Variants in BUD13 observed in about 807,000 individuals in gnomAD.
BUD13 encodes BUD13 spliceosome associated protein.
BUD13 carries 47 observed loss-of-function variants against 62.5 expected under a neutral mutation model. The ratio of observed to expected loss-of-function variants is 0.75; its 90% CI spans 0.60 to 0.96. The LOEUF (loss-of-function observed/expected upper bound fraction) is 0.96, where lower values mean the gene tolerates loss of function less well. BUD13 is among the 40% of genes least tolerant of loss of function. The probability of loss-of-function intolerance (pLI) is 0.00; values close to 1 mark genes in which losing one functional copy is unlikely to be tolerated. For missense variants in BUD13, 821 were observed against 790.9 expected, an observed-to-expected ratio of 1.04 and a Z score of -0.46; for synonymous variants, 293 against 280.1, an observed-to-expected ratio of 1.05 and a Z score of -0.46.
intron 9 of BUD13, among the ~76,000 whole-genome samples, chr11:116,752,897 C>T (rs1234088386): frequency 1.3e-5 from 2 of 152,146 alleles, no homozygotes; most frequent in Non-Finnish European, 2.9e-5. Context: ...TCCCAAATAG[C>T]TGGTACTACA....
chr11:116,756,884 A>T (rs1940334968), intron 9 of BUD13, among the ~76,000 whole-genome samples: 1 of 152,184 alleles, frequency 6.6e-6, no homozygotes, highest in South Asian at 2.1e-4. Flanking sequence ...AAAAGTAACC[A>T]ATGTCCAAAA....
At chr11:116,757,049 T>G (rs1204565546) in intron 9 of BUD13, 97 bp downstream of exon 9, 24 of 1,177,794 alleles carry the variant, frequency 2.0e-5, no homozygotes, top group Middle Eastern at 2.0e-4. Context: ...TTTCACCTTG[T>G]GATTAAAGCA....
Position 116,763,020 on chromosome 11 carries a change from G to A in BUD13, c.569C>T (p.Pro190Leu), listed in dbSNP as rs570246157. 1 of 1,613,614 alleles carries A rather than the reference G, an allele frequency of 6.2e-7. No homozygotes were observed. Among genetic ancestry groups the A allele is most frequent in the Admixed American group, 1.7e-5 (1 of 59,994 alleles). The change falls in exon 4 of 10, where the codon CCA (proline) becomes CTA (leucine). Residue 190 changes from proline to leucine, a missense_variant. Coordinates refer to ENST00000260210, the MANE Select transcript of BUD13 (RefSeq NM_032725.4). ...TGGAGAATCATGACGGGCCCTCCTT[G>A]GGGGTGAAGTGTCTGAGGAGTCATG... is the stretch of plus-strand genomic sequence containing the variant. ...IRHDSSDTSPPRRARHDSPDP... is the reference protein window; with the variant it reads ...IRHDSSDTSPLRRARHDSPDP...
chr11:116,749,491 T>C (rs923682495), intron 9 of BUD13, among the ~76,000 whole-genome samples: 2 of 151,926 alleles, frequency 1.3e-5, no homozygotes, highest in Non-Finnish European at 1.5e-5. Flanking sequence ...GCACTGGGGA[T>C]GGAAGGGCCA....
chr11:116,758,670 C>T (rs1045732856), intron 6 of BUD13, among the ~76,000 whole-genome samples: 1 of 150,412 alleles, frequency 6.6e-6, no homozygotes, highest in Non-Finnish European at 1.5e-5. Flanking sequence ...TCACTGCAAC[C>T]TCCACCTCCC....
chr11:116,766,021 G>A (rs555960452), intron 2 of BUD13, among the ~76,000 whole-genome samples: 1 of 152,218 alleles, frequency 6.6e-6, no homozygotes, highest in African/African-American at 2.4e-5. Flanking sequence ...CCTAATAAGT[G>A]GTCACTCGCC....
intron 2 of BUD13, among the ~76,000 whole-genome samples, chr11:116,765,710 T>G (rs751109566): frequency 6.6e-6 from 1 of 152,232 alleles, no homozygotes; most frequent in Non-Finnish European, 1.5e-5. Flanking sequence ...ACAAACCTTT[T>G]TATTAACCTG....
chr11:116,753,194 C>T (rs898960358), intron 9 of BUD13, among the ~76,000 whole-genome samples: 1 of 152,096 alleles, frequency 6.6e-6, no homozygotes, highest in African/African-American at 2.4e-5. Context: ...CTCATGAAGG[C>T]AGAAAGCCAC....
At chr11:116,765,250 G>T in intron 3 of BUD13, 112 bp downstream of exon 3, 1 of 1,130,512 alleles carries the variant, frequency 8.8e-7, no homozygotes, top group Non-Finnish European at 1.3e-6. Flanking sequence ...TATTTTTCAG[G>T]ATCAATGACA....
Position 116,754,400 on chromosome 11 carries a change from T to C in BUD13, c.1766+2746A>G, listed in dbSNP as rs183133383. On this transcript the variant is annotated intron_variant, in intron 9 of 9. Transcript: ENST00000260210. ...AGTATATTATCTGACCAAAATGGAA[T>C]TAAATTATAAGTAAATAGCAGTAAG... Among the ~76,000 whole-genome samples the C allele has an allele frequency of 2.6e-5, 4 of 152,266 alleles. No homozygotes were observed. The East Asian group carries it at 7.7e-4, about 29-fold the overall frequency.
At chr11:116,772,132 G>C (rs1440954100) in intron 1 of BUD13, among the ~76,000 whole-genome samples, 1 of 151,750 alleles carries the variant, frequency 6.6e-6, no homozygotes, top group African/African-American at 2.4e-5. Context: ...CCTTAATCAA[G>C]TATGACCTCA....
At chr11:116,759,053 T>C in intron 6 of BUD13, 21 bp downstream of exon 6, 1 of 1,575,352 alleles carries the variant, frequency 6.3e-7, no homozygotes, top group Non-Finnish European at 8.7e-7. Context: ...TAAATTGGTC[T>C]CTGCACTTTC....
In BUD13 at chr11:116,760,770, A is replaced by G; in HGVS notation, c.1219T>C (p.Ser407Pro). Reference protein sequence around the residue: ...QRTKSSDSDLSPPRRSQPPGK... With the variant: ...QRTKSSDSDLPPPRRSQPPGK... ...GGAGGCTGACTCCTTCGAGGCGGGG[A>G]CAGGTCAGAATCAGAAGATTTGGTC... The change falls in exon 5 of 10, where the codon TCC (serine) becomes CCC (proline). Residue 407 changes from serine to proline, a missense_variant. Physicochemically the swap from Ser to Pro is moderately conservative, Grantham distance 74. Around this residue, in one of 2 missense-constraint regions of BUD13, gnomAD observed 800 missense variants for 739.2 expected, o/e 1.08. Transcript: ENST00000260210. The G allele has an allele frequency of 6.2e-7, 1 of 1,614,108 alleles. No individual in the cohort carries two copies. Among genetic ancestry groups the G allele is most frequent in the Admixed American group, 1.7e-5 (1 of 60,020 alleles).
At chr11:116,758,964 GCTGA>G in intron 6 of BUD13, 106 bp downstream of exon 6, 3 of 756,596 alleles carry the variant, frequency 4.0e-6, no homozygotes, top group Non-Finnish European at 6.7e-6. Flanking sequence ...TAAAACCAGA[GCTGA>G]AATTTGATAG....
rs373740790 is a variant in BUD13, at chr11:116,760,702, G to A, written c.1254+33C>T. On this transcript the variant is annotated intron_variant, in intron 5 of 9. Coordinates refer to ENST00000260210, the MANE Select transcript of BUD13 (RefSeq NM_032725.4). ...TAAAGCTGAGAGAGAAGAGTCACAC[G>A]AAAAGAAGGACATGGCTCCTGAAAA... The A allele has an allele frequency of 6.9e-4, 1,112 of 1,603,990 alleles. 22 individuals carry two copies. In the South Asian group the frequency reaches 0.012, roughly 17 times the overall value.
At chr11:116,762,048 T>C (rs1448808240) in intron 4 of BUD13, among the ~76,000 whole-genome samples, 1 of 152,214 alleles carries the variant, frequency 6.6e-6, no homozygotes, top group South Asian at 2.1e-4. Flanking sequence ...ACATTCATTA[T>C]TAGGAAAATG....
At chr11:116,765,576 G>A in intron 2 of BUD13, 130 bp from the exon 3 acceptor site, 3 of 856,608 alleles carry the variant, frequency 3.5e-6, no homozygotes, top group Non-Finnish European at 5.6e-6. Context: ...AAATGGTCAT[G>A]AAGAAGTAAG....
intron 6 of BUD13, 122 bp downstream of exon 6, chr11:116,758,952 C>A: frequency 1.4e-6 from 1 of 710,500 alleles, no homozygotes; most frequent in South Asian, 1.9e-5. Context: ...TACAACAATG[C>A]ATAAAACCAG....
At chr11:116,756,770 A>G (rs1322728366) in intron 9 of BUD13, among the ~76,000 whole-genome samples, 1 of 152,152 alleles carries the variant, frequency 6.6e-6, no homozygotes, top group East Asian at 1.9e-4. Context: ...CTAAAACCAT[A>G]AAGTGAATAA....
Sources: allele counts gnomAD v4.1 joint callset (sites outside exome capture counted in the v4.1 genomes callset), GRCh38; gene constraint gnomAD v4.1.1; regional missense constraint gnomAD v4.1.1; transcripts MANE v1.5; gene names NCBI Gene and HGNC (gene_info 2026-07-23, HGNC 2026-07-21).